The following CACNA1C variants were observed in gnomAD, a reference collection of about 807,000 sequenced individuals.
CACNA1C encodes the protein voltage-dependent L-type calcium channel subunit alpha-1C.
CACNA1C carries 30 observed loss-of-function variants against 229.0 expected under a neutral mutation model. That is an observed-to-expected ratio of 0.13 (90% CI 0.10 to 0.18). The LOEUF is 0.18. Among genes scored for constraint, CACNA1C ranks in the 10% least tolerant of loss-of-function variants. CACNA1C has a pLI of 1.00. For synonymous variants in CACNA1C, 1,114 were observed against 1,132.5 expected (o/e 0.98, Z 0.33); for missense variants, 1,658 against 2,845.0 (o/e 0.58, Z 9.49).
At chr12:2,341,945 C>T (rs765678559) in intron 3 of CACNA1C, among the ~76,000 whole-genome samples, 2 of 152,190 alleles carry the variant, frequency 1.3e-5, no homozygotes, top group Non-Finnish European at 2.9e-5. Context: ...CCACTGATAG[C>T]CTCGGATTTG....
chr12:2,368,060 A>T (rs1228904777), intron 3 of CACNA1C, among the ~76,000 whole-genome samples: 1 of 152,232 alleles, frequency 6.6e-6, no homozygotes, highest in African/African-American at 2.4e-5. Flanking sequence ...GGGAAATTTA[A>T]TACTATAATA....
intron 9 of CACNA1C, among the ~76,000 whole-genome samples, chr12:2,530,738 T>C (rs1348666191): frequency 1.3e-5 from 2 of 152,198 alleles, no homozygotes; most frequent in East Asian, 3.8e-4. Context: ...AAAGATCATT[T>C]CCAGGATAGG....
At chr12:2,519,639 G>A (rs544371587) in intron 9 of CACNA1C, among the ~76,000 whole-genome samples, 6 of 152,304 alleles carry the variant, frequency 3.9e-5, no homozygotes, top group South Asian at 2.1e-4. Context: ...CTTAAGCAAC[G>A]AGATTTTGCT....
At chr12:2,039,227 A>G (rs1014081259) in intron 1 of CACNA1C, among the ~76,000 whole-genome samples, 1 of 152,216 alleles carries the variant, frequency 6.6e-6, no homozygotes, top group Non-Finnish European at 1.5e-5. Flanking sequence ...GACAAGTGTA[A>G]CAACCTCCCT....
chr12:2,325,373 A>G (rs1238118890), intron 3 of CACNA1C, among the ~76,000 whole-genome samples: 1 of 152,230 alleles, frequency 6.6e-6, no homozygotes, highest in East Asian at 1.9e-4. Flanking sequence ...CCTTGTTTTC[A>G]CAGAGGCAAC....
Position 2,691,243 on chromosome 12 carries a change from T to A in CACNA1C, c.*44T>A. The A allele has an allele frequency of 6.7e-7, 1 of 1,489,696 alleles. No homozygotes were observed. Among genetic ancestry groups the A allele is most frequent in the Non-Finnish European group, 8.9e-7 (1 of 1,118,552 alleles). 92.3% of individuals were successfully genotyped at this position (1,489,696 alleles called of 1,614,324 possible). ...GGCTTTTTTTTATTTGTTTCAATGT[T>A]CCTAATGGGTTCGTTTCAGAAGTGC... On this transcript the variant is annotated 3_prime_UTR_variant, in exon 47 of 47. Coordinates refer to ENST00000399655, the MANE Select transcript of CACNA1C (RefSeq NM_000719.7).
Position 2,378,872 on chromosome 12 carries a change from CAA to C in CACNA1C, c.478-70103_478-70102del, listed in dbSNP as rs1420719983. Among the ~76,000 whole-genome samples the C allele has an allele frequency of 9.9e-5, 15 of 151,008 alleles. No individual in the cohort carries two copies. The South Asian group carries it at 2.1e-3, about 21-fold the overall frequency. The stretch of plus-strand genomic sequence containing the variant: ...CTTTTCTTTTCTTTCCTTTCTTTGC[CAA>C]TAGGCCACCGTAGTCAGTTTCATGT... On this transcript the variant is annotated intron_variant, in intron 3 of 46. Coordinates refer to ENST00000399655, the MANE Select transcript of CACNA1C (RefSeq NM_000719.7).
chr12:2,298,713 G>A (rs1416729822), intron 3 of CACNA1C, among the ~76,000 whole-genome samples: 3 of 152,218 alleles, frequency 2.0e-5, no homozygotes, highest in East Asian at 3.8e-4. Context: ...CTGTAGGCCC[G>A]TGCCCTCTAT....
intron 2 of CACNA1C, among the ~76,000 whole-genome samples, chr12:2,117,956 G>A (rs1430614194): frequency 6.6e-6 from 1 of 152,230 alleles, no homozygotes; most frequent in African/African-American, 2.4e-5. Context: ...AGTGGAATCC[G>A]ACCCTGTCAT....
intron 3 of CACNA1C, among the ~76,000 whole-genome samples, chr12:2,219,711 T>G (rs1204499794): frequency 6.6e-6 from 1 of 152,202 alleles, no homozygotes; most frequent in East Asian, 1.9e-4. Context: ...ACTATGAAAG[T>G]TTCTCTGTGG....
At position 2,292,860 on chromosome 12, in the gene CACNA1C, C is replaced by T. The variant is rs761891619; in HGVS notation, c.478-156116C>T. On this transcript the variant is annotated intron_variant, in intron 3 of 46. Coordinates refer to ENST00000399655, the MANE Select transcript of CACNA1C (RefSeq NM_000719.7). ...CATGCCCTGCGGCACCAGGCCCACA[C>T]TGGAGTGCTGGTGGGAGCCTGCATG... Among the ~76,000 whole-genome samples the T allele has an allele frequency of 7.9e-5, 12 of 152,184 alleles. No homozygotes were observed. In the South Asian group the frequency reaches 1.0e-3, roughly 13 times the overall value.
At chr12:2,123,975 G>A (rs1227072069) in intron 3 of CACNA1C, among the ~76,000 whole-genome samples, 1 of 152,098 alleles carries the variant, frequency 6.6e-6, no homozygotes, top group East Asian at 1.9e-4. Context: ...AATAGTGCTG[G>A]ATACTATTGT....
At chr12:2,578,313 GC>G (rs1346512572) in intron 13 of CACNA1C, among the ~76,000 whole-genome samples, 1 of 152,216 alleles carries the variant, frequency 6.6e-6, no homozygotes, top group African/African-American at 2.4e-5. Context: ...TCAGGCAGGA[GC>G]ATGTGTAGGA....
chr12:2,514,761 G>A (rs765583685), intron 9 of CACNA1C, among the ~76,000 whole-genome samples: 9 of 152,116 alleles, frequency 5.9e-5, no homozygotes, highest in Middle Eastern at 3.2e-3. Context: ...GTTATCCACC[G>A]AGATAACAGA....
chr12:2,670,293 A>T (rs1223009603), intron 38 of CACNA1C, among the ~76,000 whole-genome samples: 1 of 152,194 alleles, frequency 6.6e-6, no homozygotes, highest in Non-Finnish European at 1.5e-5. Flanking sequence ...GGGCAACAGA[A>T]GGAGCCCCGG....
rs2093348096 is a variant in CACNA1C, at chr12:2,639,291, C to G, written c.3912+4911C>G. ...CTTCCTCAGTGCTTGGGTCTGAAAT[C>G]ATATTTTCCTGTGATTGTTCGTGAA... On this transcript the variant is annotated intron_variant, in intron 30 of 46. Transcript: ENST00000399655. This position sits in a 1 kb window ranked among gnomAD's most constrained non-coding sequence, Gnocchi z 4.2. Among the ~76,000 whole-genome samples, 1 of 152,194 alleles carries G rather than the reference C, an allele frequency of 6.6e-6. No homozygotes were observed. The highest frequency in any genetic ancestry group is 1.9e-4 in the East Asian group (1 of 5,204).
chr12:2,567,521 G>A, intron 12 of CACNA1C, 48 bp from the exon 13 acceptor site: 1 of 1,192,238 alleles, frequency 8.4e-7, no homozygotes, highest in Admixed American at 2.2e-5. Flanking sequence ...CTCCCTCTCT[G>A]CCTCCTCTGG....
intron 1 of CACNA1C, among the ~76,000 whole-genome samples, chr12:2,086,017 CCCT>C (rs2067514292): frequency 6.6e-6 from 1 of 152,170 alleles, no homozygotes. Context: ...ATCAAGCATC[CCCT>C]CCTTTGGGAC....
chr12:2,105,030 A>G (rs3794301), intron 1 of CACNA1C, among the ~76,000 whole-genome samples: 84,655 of 152,046 alleles, frequency 0.56, 24,722 homozygotes, highest in Non-Finnish European at 0.64. Flanking sequence ...TCACCGAAGC[A>G]GTGTTGGCCT....
Sources: allele counts gnomAD v4.1 joint callset (sites outside exome capture counted in the v4.1 genomes callset), GRCh38; gene constraint gnomAD v4.1.1; non-coding constraint Gnocchi (gnomAD v3.1); transcripts MANE v1.5; gene names NCBI Gene and HGNC (gene_info 2026-07-23, HGNC 2026-07-21).